Variants in APAF1 observed in about 807,000 individuals in gnomAD.
APAF1 encodes apoptotic peptidase activating factor 1.
In APAF1, 91 loss-of-function variants were observed where a neutral mutation model predicts 152.4. The observed-to-expected ratio is 0.60, with a 90% CI of 0.50 to 0.71. APAF1 has a LOEUF of 0.71. Ranked by LOEUF, APAF1 falls within the 30% of genes least tolerant of loss-of-function variation. APAF1 has a pLI of 0.00. For missense variants in APAF1, 1,283 were observed against 1,472.0 expected (o/e 0.87, Z 2.10); for synonymous variants, 484 against 494.1 (o/e 0.98, Z 0.27).
intron 13 of APAF1, among the ~76,000 whole-genome samples, chr12:98,678,707 G>A (rs1463277795): frequency 2.0e-5 from 3 of 152,242 alleles, no homozygotes; most frequent in Non-Finnish European, 2.9e-5. Flanking sequence ...GCCTGCTCCC[G>A]CTGCCTGACT....
chr12:98,693,163 G>A (rs930869693), intron 16 of APAF1, among the ~76,000 whole-genome samples: 1 of 151,766 alleles, frequency 6.6e-6, no homozygotes, highest in Admixed American at 6.6e-5. Flanking sequence ...GTATTCCTGG[G>A]TATTTTATTT....
chr12:98,724,485 C>A (rs1389281115), intron 24 of APAF1, among the ~76,000 whole-genome samples: 1 of 152,180 alleles, frequency 6.6e-6, no homozygotes, highest in African/African-American at 2.4e-5. Flanking sequence ...TATATTGTTT[C>A]CTCTGTGCCA....
At chr12:98,695,665 G>A (rs2097709107) in intron 16 of APAF1, among the ~76,000 whole-genome samples, 1 of 152,238 alleles carries the variant, frequency 6.6e-6, no homozygotes, top group African/African-American at 2.4e-5. Flanking sequence ...TCTCTCAACT[G>A]TGTTGGGTAT....
chr12:98,680,199 C>T lies in APAF1; in HGVS notation c.1921-78C>T, dbSNP rs2097690838. The stretch of plus-strand genomic sequence containing the variant: ...TTTGCAAAATGACAATGATTAAACT[C>T]ACTTAAAGATTTTTATTGAATGATG... On this transcript the variant is annotated intron_variant, in intron 13 of 26. Coordinates refer to ENST00000551964, the MANE Select transcript of APAF1 (RefSeq NM_181861.2). The T allele has an allele frequency of 4.9e-6, 7 of 1,435,960 alleles. No individual in the cohort carries two copies. In the South Asian group the frequency reaches 7.8e-5, roughly 16 times the overall value. 89.0% of individuals were successfully genotyped at this position (1,435,960 alleles called of 1,614,324 possible).
At chr12:98,692,820 T>G (rs928861073) in intron 16 of APAF1, among the ~76,000 whole-genome samples, 1 of 152,232 alleles carries the variant, frequency 6.6e-6, no homozygotes, top group African/African-American at 2.4e-5. Context: ...GTTTGTGTCT[T>G]TGCTGTTACG....
At chr12:98,714,095 C>G (rs1165809330) in intron 21 of APAF1, among the ~76,000 whole-genome samples, 1 of 152,204 alleles carries the variant, frequency 6.6e-6, no homozygotes, top group Non-Finnish European at 1.5e-5. Flanking sequence ...TCAGGCTCAT[C>G]TCTCAAACTG....
intron 23 of APAF1, 65 bp downstream of exon 23, chr12:98,723,377 C>A: frequency 1.3e-6 from 2 of 1,535,718 alleles, no homozygotes; most frequent in Non-Finnish European, 1.8e-6. Context: ...TATATTGAGA[C>A]AGTCAAAAGC....
At chr12:98,706,433 T>C (rs979513107) in intron 18 of APAF1, 52 bp from the exon 19 acceptor site, 8 of 1,603,688 alleles carry the variant, frequency 5.0e-6, no homozygotes, top group African/African-American at 1.3e-5. Flanking sequence ...ATTTTTGCTC[T>C]CTTCAAAATG....
rs1271519757 is a variant in APAF1, at chr12:98,723,768, G to A, written c.3330+4G>A. On this transcript the variant is annotated splice_donor_region_variant and intron_variant, in intron 24 of 26. Coordinates refer to ENST00000551964, the MANE Select transcript of APAF1 (RefSeq NM_181861.2). ...CTCTGCTGACAAGACTGCAAAGGTA[G>A]GTCAATCAATTGAAACCATGCATAA... 1.9e-6 allele frequency: 3 copies of A among 1,613,584 alleles called. No individual in the cohort carries two copies. The East Asian group carries it at 6.7e-5, about 36-fold the overall frequency.
intron 12 of APAF1, among the ~76,000 whole-genome samples, chr12:98,676,045 G>T (rs2097686121): frequency 6.6e-6 from 1 of 152,174 alleles, no homozygotes; most frequent in Non-Finnish European, 1.5e-5. Context: ...TATTAGAAAT[G>T]AGGTTAGGTT....
chr12:98,732,751 A>T lies in APAF1; in HGVS notation c.*185A>T. ...CTTTTTCCCAAATGAACATACCTTT[A>T]ATCTTGTTTTTCATGATCATCATTA... On this transcript the variant is annotated 3_prime_UTR_variant, in exon 27 of 27. Transcript: ENST00000551964. 2 of 571,558 alleles carry T rather than the reference A, an allele frequency of 3.5e-6. No individual in the cohort carries two copies. Among genetic ancestry groups the T allele is most frequent in the Admixed American group, 6.3e-5 (2 of 31,510 alleles). The allele number at this position is 571,558 out of a possible 1,614,324, so 35.4% of individuals were successfully genotyped here.
chr12:98,702,014 G>A (rs1241647740), intron 17 of APAF1, among the ~76,000 whole-genome samples: 2 of 152,150 alleles, frequency 1.3e-5, no homozygotes, highest in African/African-American at 4.8e-5. Flanking sequence ...TTTGGCCTCC[G>A]GCGCTACGCT....
At chr12:98,713,711 C>T (rs1181979864) in intron 21 of APAF1, among the ~76,000 whole-genome samples, 3 of 152,202 alleles carry the variant, frequency 2.0e-5, no homozygotes, top group Non-Finnish European at 4.4e-5. Context: ...CACTTTTTCT[C>T]ACCAGGTGTC....
rs183630730 is a variant in APAF1 at position 98,717,169 on chromosome 12, A to G, written c.3084+1617A>G. Among the ~76,000 whole-genome samples, 393 of 151,866 alleles carry G rather than the reference A, an allele frequency of 2.6e-3. 2 individuals are homozygous for G. The highest frequency in any genetic ancestry group is 9.1e-3 in the African/African-American group (377 of 41,408). On this transcript the variant is annotated intron_variant, in intron 22 of 26. Transcript: ENST00000551964. Reference sequence around the variant, plus strand: ...AGGCATGAGCCCCCGCACCTGGCCTACTGTGCTCTATTTTTGGGGAGTTTT... The same window carrying G: ...AGGCATGAGCCCCCGCACCTGGCCTGCTGTGCTCTATTTTTGGGGAGTTTT...
chr12:98,649,690 T>C lies in APAF1; in HGVS notation c.526+6T>C. The C allele has an allele frequency of 6.2e-7, 1 of 1,612,920 alleles. No homozygotes were observed. Among genetic ancestry groups the C allele is most frequent in the Non-Finnish European group, 8.5e-7 (1 of 1,179,094 alleles). ...AGATCATTCCCTTTTAGAAGGTAAG[T>C]GTCTTAGTCCATTTCATAGTCTAGT... On this transcript the variant is annotated splice_donor_region_variant and intron_variant, in intron 4 of 26. Transcript: ENST00000551964.
intron 15 of APAF1, among the ~76,000 whole-genome samples, chr12:98,684,265 T>G (rs184877149): frequency 2.9e-4 from 44 of 152,286 alleles, no homozygotes; most frequent in African/African-American, 9.9e-4. Context: ...TATTTATTTA[T>G]TTATTTTTTC....
At chr12:98,679,166 C>T (rs2097689697) in intron 13 of APAF1, among the ~76,000 whole-genome samples, 1 of 152,176 alleles carries the variant, frequency 6.6e-6, no homozygotes, top group Non-Finnish European at 1.5e-5. Context: ...CCTTCTGAAG[C>T]CCATAAAAGC....
chr12:98,654,394 CT>C (rs900900344), intron 4 of APAF1, among the ~76,000 whole-genome samples: 1 of 151,980 alleles, frequency 6.6e-6, no homozygotes, highest in Non-Finnish European at 1.5e-5. Context: ...TACCTTTAAT[CT>C]TGGGATGATT....
chr12:98,682,822 C>A (rs2097693848), intron 14 of APAF1, among the ~76,000 whole-genome samples: 1 of 152,136 alleles, frequency 6.6e-6, no homozygotes, highest in African/African-American at 2.4e-5. Context: ...ATTATGCTAA[C>A]CTCTTTAAAG....
Sources: gnomAD v4.1 joint callset for allele counts (sites outside exome capture counted in the v4.1 genomes callset) on GRCh38, gnomAD v4.1.1 for gene constraint, MANE v1.5 for transcripts, NCBI Gene and HGNC (gene_info 2026-07-23, HGNC 2026-07-21) for gene names.